FHDC1: variants seen among roughly 807,000 people sequenced by gnomAD.
FHDC1 encodes FH2 domain containing 1, also known as FH2 domain-containing protein 1.
A neutral mutation model predicts 52.6 loss-of-function variants in FHDC1; 25 were observed. The observed-to-expected ratio is 0.48, with a 90% confidence interval of 0.35 to 0.66. FHDC1 has a LOEUF of 0.66. FHDC1 is among the 30% of genes least tolerant of loss of function. The pLI, the probability that FHDC1 is intolerant of heterozygous loss-of-function variation, is 0.01. For missense variants in FHDC1, 1,459 were observed against 1,452.8 expected (o/e 1.00, Z -0.07); for synonymous variants, 616 against 581.5 (o/e 1.06, Z -0.85).
chr4:152,963,118 C>T lies in FHDC1; in HGVS notation c.1017C>T (p.His339=), dbSNP rs1199814291. The part of the protein sequence containing the change: ...KANKPGMNLL[H]FVAQEAQKKD... The stretch of plus-strand genomic sequence containing the variant: ...ACAAACCTGGGATGAATCTCCTGCA[C>T]TTTGTTGCACAGGTATGTGGAAATG... Residue 339 remains histidine (H), a synonymous_variant, in exon 8 of 12, where the codon CAC becomes CAT. Coordinates refer to ENST00000511601, the MANE Select transcript of FHDC1 (RefSeq NM_001371116.1). 2.5e-6 allele frequency: 4 copies of T among 1,613,738 alleles called. No homozygotes were observed. The highest frequency in any genetic ancestry group is 3.4e-6 in the Non-Finnish European group (4 of 1,179,922).
intron 2 of FHDC1, among the ~76,000 whole-genome samples, chr4:152,952,609 T>C (rs766377815): frequency 3.3e-5 from 5 of 152,198 alleles, no homozygotes; most frequent in Admixed American, 6.5e-5. Flanking sequence ...GTCTTAGGTA[T>C]TACAAGTAAT....
chr4:152,960,755 G>A lies in FHDC1; in HGVS notation c.761G>A (p.Arg254Gln), dbSNP rs148225074. ...GLIQVPNYSLRIEAMVLKKEF... is the reference protein window; with the variant it reads ...GLIQVPNYSLQIEAMVLKKEF... ...TTTTTATTTTTCAGCTATTCACTTC[G>A]GATTGAAGCCATGGTGCTAAAGAAG... Residue 254 changes from arginine (R) to glutamine (Q), a missense_variant, in exon 6 of 12, where the codon CGG becomes CAG. Arg to Gln is a conservative substitution (Grantham distance 43). Around this residue, in one of 3 missense-constraint regions of FHDC1, gnomAD observed 513 missense variants for 581.5 expected, o/e 0.88. Coordinates refer to ENST00000511601, the MANE Select transcript of FHDC1 (RefSeq NM_001371116.1). The A allele has an allele frequency of 6.1e-5, 99 of 1,612,948 alleles. No homozygotes were observed. In the Middle Eastern group the frequency reaches 8.2e-4, roughly 13 times the overall value.
chr4:152,940,905 A>G (rs1422454714), intron 1 of FHDC1, among the ~76,000 whole-genome samples: 1 of 152,230 alleles, frequency 6.6e-6, no homozygotes, highest in Non-Finnish European at 1.5e-5. Context: ...AACTATGAAA[A>G]CAGCCTAGTT....
rs968798460 is a variant in FHDC1 at position 152,978,034 on chromosome 4, C to G, written c.*1311C>G. The stretch of plus-strand genomic sequence containing the variant: ...GCATTGTGAGCAGTGGAGTATGAGC[C>G]TTGAGGGCCTCATGGTTGCAGGGCA... On this transcript the variant is annotated 3_prime_UTR_variant, in exon 12 of 12. Coordinates refer to ENST00000511601, the MANE Select transcript of FHDC1 (RefSeq NM_001371116.1). 6.6e-6 allele frequency: 1 copy of G among 152,194 alleles called. No individual in the cohort carries two copies. The highest frequency in any genetic ancestry group is 2.4e-5 in the African/African-American group (1 of 41,444). The allele number at this position is 152,194 out of a possible 1,614,324, so 9.4% of individuals were successfully genotyped here. A position where few individuals can be genotyped will look rare whatever the true frequency, so the allele number is the denominator to read the frequency against.
intron 1 of FHDC1, among the ~76,000 whole-genome samples, chr4:152,940,816 C>T (rs116598089): frequency 0.022 from 3,299 of 152,202 alleles, 112 homozygotes; most frequent in African/African-American, 0.074. Context: ...CCAAAATTAC[C>T]TGCACAGTCT....
Position 152,943,423 on chromosome 4 carries a change from G to T in FHDC1, c.366G>T (p.Arg122Ser). 1.2e-6 allele frequency: 2 copies of T among 1,614,152 alleles called. No individual in the cohort carries two copies. The highest frequency in any genetic ancestry group is 2.2e-5 in the South Asian group (2 of 91,082). The change falls in exon 2 of 12, where the codon AGG (arginine) becomes AGT (serine). Residue 122 changes from arginine to serine, a missense_variant. Around this residue, in one of 3 missense-constraint regions of FHDC1, gnomAD observed 513 missense variants for 581.5 expected, o/e 0.88. Coordinates refer to ENST00000511601, the MANE Select transcript of FHDC1 (RefSeq NM_001371116.1). Reference protein sequence around the residue: ...GKTNIWTLAARQEHHYQIDTK... With the variant: ...GKTNIWTLAASQEHHYQIDTK... ...CCAACATCTGGACCTTGGCAGCCAG[G>T]CAGGAACATCACTACCAAATTGATA...
chr4:152,915,344 A>G, the FHDC1 span, among the ~76,000 whole-genome samples: 2 of 152,172 alleles, frequency 1.3e-5, no homozygotes, highest in South Asian at 2.1e-4. Flanking sequence ...GACTCCTTCA[A>G]TATACGTAAT....
In FHDC1 at chr4:152,943,013, C is replaced by A. The variant is rs1462466402; in HGVS notation, c.-45C>A. On this transcript the variant is annotated 5_prime_UTR_variant, in exon 2 of 12. Transcript: ENST00000511601. ...TACACAAGTTTGATGTTTGTGTCTT[C>A]TTCTCCAAGGCCAAGAAATTATCTC... is the stretch of plus-strand genomic sequence containing the variant. 2 of 1,554,684 alleles carry A rather than the reference C, an allele frequency of 1.3e-6. No homozygotes were observed. The highest frequency in any genetic ancestry group is 1.9e-5 in the Admixed American group (1 of 54,032).
chr4:152,962,478 T>C (rs2149952796), intron 6 of FHDC1, among the ~76,000 whole-genome samples: 1 of 152,378 alleles, frequency 6.6e-6, no homozygotes, highest in East Asian at 1.9e-4. Context: ...AAATAACTGC[T>C]GAGAAGGAAG....
chr4:152,961,793 A>T (rs1740289696), intron 6 of FHDC1, among the ~76,000 whole-genome samples: 1 of 152,222 alleles, frequency 6.6e-6, no homozygotes, highest in Non-Finnish European at 1.5e-5. Context: ...GGAGACTAAG[A>T]AGGAAAAAGA....
intron 2 of FHDC1, among the ~76,000 whole-genome samples, chr4:152,944,070 C>T (rs1484303896): frequency 6.6e-6 from 1 of 152,168 alleles, no homozygotes; most frequent in Non-Finnish European, 1.5e-5. Flanking sequence ...TTCCTCAGAT[C>T]TCTGAACTAG....
chr4:152,949,124 T>TAATAATAATAAGAAGAAGAAG (rs1347590282), intron 2 of FHDC1, among the ~76,000 whole-genome samples: 27 of 74,698 alleles, frequency 3.6e-4, no homozygotes, highest in African/African-American at 1.1e-3. Context: ...ATAATAATAA[T>TAATAATAATAAGAAGAAGAAG]AAGAAGAAGA....
At chr4:152,941,929 C>G (rs1232793133) in intron 1 of FHDC1, among the ~76,000 whole-genome samples, 3 of 152,194 alleles carry the variant, frequency 2.0e-5, no homozygotes, top group African/African-American at 7.2e-5. Flanking sequence ...GGCGTCCTTT[C>G]TACACCCCAC....
intron 4 of FHDC1, 22 bp from the exon 5 acceptor site, chr4:152,960,543 C>A: frequency 2.5e-6 from 4 of 1,588,438 alleles, no homozygotes; most frequent in Non-Finnish European, 3.5e-6. Context: ...TTATATACCC[C>A]CCCTTTCCAT....
upstream of FHDC1, among the ~76,000 whole-genome samples, chr4:152,934,076 G>A (rs1739302450): frequency 6.6e-6 from 1 of 152,182 alleles, no homozygotes; most frequent in Non-Finnish European, 1.5e-5. Context: ...ATGCTTATAG[G>A]ATCATGGTGA....
At chr4:152,963,172 C>T in intron 8 of FHDC1, 42 bp downstream of exon 8, 1 of 1,542,126 alleles carries the variant, frequency 6.5e-7, no homozygotes, top group Non-Finnish European at 8.9e-7. Context: ...CATATGAATA[C>T]CCCTTGGAGG....
chr4:152,972,726 C>T (rs559901014), intron 11 of FHDC1, among the ~76,000 whole-genome samples, 185 bp downstream of exon 11: 8 of 152,306 alleles, frequency 5.3e-5, no homozygotes, highest in East Asian at 1.9e-4. Flanking sequence ...ATCCCAGCCC[C>T]GAGGGCTTGC....
chr4:152,941,999 G>A (rs747715906), intron 1 of FHDC1, among the ~76,000 whole-genome samples: 2 of 152,054 alleles, frequency 1.3e-5, no homozygotes, highest in Non-Finnish European at 2.9e-5. Context: ...ACATCAGATC[G>A]GTAACAGCCC....
chr4:152,953,554 T>A lies in FHDC1; in HGVS notation c.554T>A (p.Phe185Tyr). 1.2e-6 allele frequency: 2 copies of A among 1,611,594 alleles called. No homozygotes were observed. The highest frequency in any genetic ancestry group is 1.7e-6 in the Non-Finnish European group (2 of 1,179,762). The change falls in exon 3 of 12, where the codon TTT becomes TAT. Residue 185 changes from phenylalanine to tyrosine, a missense_variant. This residue lies in a region of FHDC1 where 513 missense variants were observed against 581.5 expected (regional missense o/e 0.88). Transcript: ENST00000511601. ...SMNIGIFLKQ[F>Y]KKSPRSIVED... is the part of the protein sequence containing the mutation. ...AACATTGGGATATTTCTTAAGCAAT[T>A]TAAGAAGTAAGATTTTGCACACATT...
Sources: allele counts gnomAD v4.1 joint callset (sites outside exome capture counted in the v4.1 genomes callset), GRCh38; gene constraint gnomAD v4.1.1; regional missense constraint gnomAD v4.1.1; transcripts MANE v1.5; gene names NCBI Gene and HGNC (gene_info 2026-07-23, HGNC 2026-07-21).